The following EXOC4 variants were observed in gnomAD, a reference collection of about 807,000 sequenced individuals.
EXOC4 encodes the protein SEC8-like 1.
EXOC4 carries 71 observed loss-of-function variants against 107.2 expected under a neutral mutation model. The ratio of observed to expected loss-of-function variants is 0.66; its 90% confidence interval spans 0.55 to 0.81. The LOEUF (loss-of-function observed/expected upper bound fraction) is 0.81, where lower values mean the gene tolerates loss of function less well. EXOC4 is among the 30% of genes least tolerant of loss of function. EXOC4 has a pLI of 0.00. For missense variants in EXOC4, 1,108 were observed against 1,189.6 expected, an observed-to-expected ratio of 0.93 and a Z score of 1.01; for synonymous variants, 456 against 441.2, an observed-to-expected ratio of 1.03 and a Z score of -0.42.
At chr7:133,522,111 G>T (rs1799992437) in intron 9 of EXOC4, among the ~76,000 whole-genome samples, 1 of 152,034 alleles carries the variant, frequency 6.6e-6, no homozygotes, top group Non-Finnish European at 1.5e-5. Context: ...AGTTAAAGTG[G>T]AGTTGAATAC....
intron 9 of EXOC4, among the ~76,000 whole-genome samples, chr7:133,548,372 C>CT (rs900872630): frequency 3.3e-5 from 5 of 152,310 alleles, no homozygotes; most frequent in Admixed American, 2.6e-4. Context: ...TTAGCTTCAA[C>CT]TTTAAGTCAC....
At chr7:133,943,931 C>T (rs1800490074) in intron 14 of EXOC4, among the ~76,000 whole-genome samples, 1 of 152,114 alleles carries the variant, frequency 6.6e-6, no homozygotes, top group Non-Finnish European at 1.5e-5. Flanking sequence ...CACCCCAATT[C>T]ATGCAATAAT....
At position 133,613,441 on chromosome 7, in the gene EXOC4, A is replaced by G. The variant is rs1802118822; in HGVS notation, c.1418-16604A>G. 2.0e-5 allele frequency among the ~76,000 whole-genome samples: 3 copies of G among 152,162 alleles called. No homozygotes were observed. The South Asian group carries it at 6.2e-4, about 31-fold the overall frequency. ...CCTGTGAGCAGTCCATCTCTCCAGT[A>G]AATTTCATACGGCAGTGAGAAGTGA... On this transcript the variant is annotated intron_variant, in intron 9 of 17. Transcript: ENST00000253861.
chr7:133,380,812 CAG>C (rs1796602592), intron 7 of EXOC4, among the ~76,000 whole-genome samples: 1 of 152,128 alleles, frequency 6.6e-6, no homozygotes. Context: ...AGCTATTTGA[CAG>C]AGAAAGAACA....
At chr7:133,668,785 A>G (rs1487121342) in intron 10 of EXOC4, among the ~76,000 whole-genome samples, 1 of 152,054 alleles carries the variant, frequency 6.6e-6, no homozygotes, top group Non-Finnish European at 1.5e-5. Flanking sequence ...AACATTCCCG[A>G]GTTATGGTTC....
chr7:134,093,093 C>T, the EXOC4 span, among the ~76,000 whole-genome samples: 2 of 151,938 alleles, frequency 1.3e-5, no homozygotes, highest in Admixed American at 6.6e-5. Context: ...TAAATATTAA[C>T]CTTGAATGTA....
At chr7:133,965,931 A>T (rs1801056025) in intron 14 of EXOC4, among the ~76,000 whole-genome samples, 1 of 152,162 alleles carries the variant, frequency 6.6e-6, no homozygotes, top group African/African-American at 2.4e-5. Flanking sequence ...GGCCATTTTC[A>T]CAGTACTGAT....
At chr7:133,746,139 T>C (rs769884734) in intron 10 of EXOC4, among the ~76,000 whole-genome samples, 12 of 152,152 alleles carry the variant, frequency 7.9e-5, no homozygotes, top group Non-Finnish European at 1.5e-4. Context: ...TGTTTTGTTT[T>C]TAGAAGTGGC....
chr7:133,325,216 G>T (rs1795209881), intron 5 of EXOC4, among the ~76,000 whole-genome samples: 1 of 152,264 alleles, frequency 6.6e-6, no homozygotes, highest in South Asian at 2.1e-4. Flanking sequence ...TTACATTCAA[G>T]GGTGATATTG....
At chr7:133,785,833 C>T (rs1358276152) in intron 10 of EXOC4, among the ~76,000 whole-genome samples, 5 of 151,994 alleles carry the variant, frequency 3.3e-5, no homozygotes, top group East Asian at 1.9e-4. Flanking sequence ...CCACCATGCC[C>T]GGCTAATTTT....
chr7:133,571,606 C>T (rs943969183), intron 9 of EXOC4, among the ~76,000 whole-genome samples: 4 of 150,446 alleles, frequency 2.7e-5, no homozygotes, highest in African/African-American at 9.8e-5. Context: ...ACCCAGGAGT[C>T]AGCGGTTGCA....
intron 10 of EXOC4, among the ~76,000 whole-genome samples, chr7:133,670,209 A>G (rs966388716): frequency 1.3e-5 from 2 of 152,116 alleles, no homozygotes; most frequent in African/African-American, 4.8e-5. Context: ...CAGGTTGCAG[A>G]GTCTTTGGGG....
intron 9 of EXOC4, among the ~76,000 whole-genome samples, chr7:133,493,931 G>C (rs890239984): frequency 2.6e-4 from 39 of 152,242 alleles, no homozygotes; most frequent in South Asian, 8.3e-4. Context: ...GCAGTGGCAC[G>C]AACTCTAAAT....
At chr7:133,862,691 T>C (rs1437251256) in intron 11 of EXOC4, among the ~76,000 whole-genome samples, 1 of 152,176 alleles carries the variant, frequency 6.6e-6, no homozygotes, top group East Asian at 1.9e-4. Context: ...TCAAATTTGC[T>C]CTTTAAGCTA....
At chr7:133,765,842 T>C (rs1796124479) in intron 10 of EXOC4, among the ~76,000 whole-genome samples, 1 of 151,984 alleles carries the variant, frequency 6.6e-6, no homozygotes, top group Non-Finnish European at 1.5e-5. Context: ...CTCTCTCTTT[T>C]TGTACTCAAA....
Position 133,384,748 on chromosome 7 carries a change from C to A in EXOC4, c.1182+9746C>A, listed in dbSNP as rs568399256. On this transcript the variant is annotated intron_variant, in intron 7 of 17. Transcript: ENST00000253861. ...TTTAAGCGTATTTAAAAAAAAAAAA[C>A]GTTTTCTGATTGTGGAAGCAATGAG... is the stretch of plus-strand genomic sequence containing the variant. Among the ~76,000 whole-genome samples, 28 of 82,012 alleles carry A rather than the reference C, an allele frequency of 3.4e-4. 1 individual carries two copies. Among genetic ancestry groups the A allele is most frequent in the South Asian group, 1.7e-3 (4 of 2,394 alleles). 53.8% of individuals were successfully genotyped at this position (82,012 alleles called of 152,430 possible).
At chr7:133,581,525 G>A (rs577401863) in intron 9 of EXOC4, among the ~76,000 whole-genome samples, 1 of 151,868 alleles carries the variant, frequency 6.6e-6, no homozygotes, top group Admixed American at 6.6e-5. Context: ...TTGGGAGGCC[G>A]AGGCGGGCGG....
intron 9 of EXOC4, among the ~76,000 whole-genome samples, chr7:133,502,530 T>TTG (rs1417293555): frequency 2.0e-5 from 3 of 152,132 alleles, no homozygotes; most frequent in African/African-American, 7.2e-5. Context: ...ATTTGCTTTT[T>TTG]TGTGTGTGGG....
At chr7:133,506,834 A>G (rs1483062492) in intron 9 of EXOC4, among the ~76,000 whole-genome samples, 1 of 152,064 alleles carries the variant, frequency 6.6e-6, no homozygotes, top group East Asian at 1.9e-4. Context: ...TATTTTTTGC[A>G]TTTATTTGAC....
Sources: allele counts gnomAD v4.1 joint callset (sites outside exome capture counted in the v4.1 genomes callset), GRCh38; gene constraint gnomAD v4.1.1; transcripts MANE v1.5; gene names NCBI Gene and HGNC (gene_info 2026-07-23, HGNC 2026-07-21).